CHP1: variants seen among roughly 807,000 people sequenced by gnomAD.
CHP1 encodes calcineurin B homologous protein 1.
In CHP1, 11 loss-of-function variants were observed where a neutral mutation model predicts 27.4. The observed-to-expected ratio is 0.40, with a 90% CI of 0.25 to 0.67. The LOEUF (loss-of-function observed/expected upper bound fraction) is 0.67, where lower values mean the gene tolerates loss of function less well. Among genes scored for constraint, CHP1 ranks in the 30% least tolerant of loss-of-function variants. CHP1 has a pLI of 0.38. For synonymous variants in CHP1, 89 were observed against 87.4 expected (o/e 1.02, Z -0.10); for missense variants, 169 against 251.3 (o/e 0.67, Z 2.22).
At chr15:41,257,110 G>A (rs2047404623) in intron 3 of CHP1, 120 bp downstream of exon 3, 1 of 694,502 alleles carries the variant, frequency 1.4e-6, no homozygotes, top group Non-Finnish European at 2.4e-6. Flanking sequence ...TGATTATATT[G>A]AGCAATTCTA....
At chr15:41,260,945 G>A (rs77781265) in intron 3 of CHP1, among the ~76,000 whole-genome samples, 2,993 of 151,980 alleles carry the variant, frequency 0.02, 281 homozygotes, top group Admixed American at 0.15. Context: ...GTGCAGTGGC[G>A]CAGTCTCGGC....
chr15:41,280,505 A>ATTTTTTTTTTTTTTTTTTT lies in CHP1; in HGVS notation c.*1125_*1143dup, dbSNP rs34921023. 1.8e-5 allele frequency: 2 copies of ATTTTTTTTTTTTTTTTTTT among 111,340 alleles called. No homozygotes were observed. 6.9% of individuals were successfully genotyped at this position (111,340 alleles called of 1,614,324 possible). On this transcript the variant is annotated 3_prime_UTR_variant, in exon 7 of 7. Coordinates refer to ENST00000334660, the MANE Select transcript of CHP1 (RefSeq NM_007236.5). ...GGAAGTGCCTAATATCCCAGTCCAA[A>ATTTTTTTTTTTTTTTTTTT]TTTTTTTTTTTTTTTTTTTTTTTTT...
chr15:41,268,166 A>C (rs1008035355), intron 4 of CHP1, among the ~76,000 whole-genome samples: 13 of 152,204 alleles, frequency 8.5e-5, no homozygotes, highest in Admixed American at 8.5e-4. Flanking sequence ...TGTGGTGACA[A>C]GGTCTGTGAA....
At chr15:41,270,125 C>T (rs1471579221) in intron 4 of CHP1, among the ~76,000 whole-genome samples, 2 of 152,084 alleles carry the variant, frequency 1.3e-5, no homozygotes. Context: ...CAATTTTGCC[C>T]AGGAGGCTCT....
intron 2 of CHP1, among the ~76,000 whole-genome samples, chr15:41,245,688 G>A (rs2047331162): frequency 6.6e-6 from 1 of 151,952 alleles, no homozygotes; most frequent in South Asian, 2.1e-4. Context: ...AAACATTTTT[G>A]GGTGCACATA....
intron 3 of CHP1, among the ~76,000 whole-genome samples, chr15:41,261,030 G>C (rs768603682): frequency 6.6e-6 from 1 of 151,698 alleles, no homozygotes; most frequent in Admixed American, 6.6e-5. Context: ...CAGTATAAGC[G>C]TGAGCCACCA....
intron 4 of CHP1, among the ~76,000 whole-genome samples, chr15:41,267,732 C>G (rs556304506): frequency 6.8e-6 from 1 of 147,162 alleles, no homozygotes; most frequent in Non-Finnish European, 1.5e-5. Flanking sequence ...GCCTGGGCAA[C>G]AGAGCCTGGG....
At chr15:41,265,347 GA>G (rs1443474766) in intron 4 of CHP1, among the ~76,000 whole-genome samples, 1 of 112,332 alleles carries the variant, frequency 8.9e-6, no homozygotes, top group East Asian at 3.2e-4. Context: ...CTGGGTGATA[GA>G]GCGAGACTCT....
At position 41,278,855 on chromosome 15, in the gene CHP1, G is replaced by A; in HGVS notation, c.500G>A (p.Gly167Glu). The A allele has an allele frequency of 6.2e-7, 1 of 1,614,164 alleles. No homozygotes were observed. The highest frequency in any genetic ancestry group is 8.5e-7 in the Non-Finnish European group (1 of 1,180,018). Residue 167 changes from glycine (G) to glutamate (E), a missense_variant, in exon 6 of 7, where the codon GGG becomes GAG. By Grantham distance (98) the Gly-to-Glu change is moderately conservative (BLOSUM62 -2). Coordinates refer to ENST00000334660, the MANE Select transcript of CHP1 (RefSeq NM_007236.5). ...DRTIQEADQD[G>E]DSAISFTEFV... ...ACCATTCAGGAGGCTGATCAGGATG[G>A]GGACAGTGCCATATCTTTCACAGAA...
chr15:41,268,679 C>T (rs1385047582), intron 4 of CHP1, among the ~76,000 whole-genome samples: 1 of 148,486 alleles, frequency 6.7e-6, no homozygotes, highest in East Asian at 2.0e-4. Flanking sequence ...CGATGGCTCA[C>T]GCCTGTAATC....
At chr15:41,244,196 T>TAAAA (rs35765288) in intron 2 of CHP1, among the ~76,000 whole-genome samples, 1 of 129,090 alleles carries the variant, frequency 7.7e-6, no homozygotes, top group Non-Finnish European at 1.6e-5. Flanking sequence ...AGACTCCATC[T>TAAAA]AAAAAAAAAA....
rs777322448 is a variant in CHP1, at chr15:41,243,650, A to G, written c.68-17A>G. 2.8e-5 allele frequency: 45 copies of G among 1,612,840 alleles called. No homozygotes were observed. The highest frequency in any genetic ancestry group is 3.6e-5 in the Non-Finnish European group (43 of 1,179,100). On this transcript the variant is annotated splice_polypyrimidine_tract_variant and intron_variant, in intron 1 of 6. Transcript: ENST00000334660. ...GGGCTACTTCCCCCGAGCTGGGACT[A>G]ATTTTGTGCTCTTTAGTTTCCCACA...
Position 41,275,029 on chromosome 15 carries a change from C to G in CHP1, c.412-3738C>G, listed in dbSNP as rs531429359. ...GGTCTCCAACTCCTGACCTCGTCAT[C>G]CACCTGCCTCAGCCTCCCAAAGTCC... On this transcript the variant is annotated intron_variant, in intron 5 of 6. Transcript: ENST00000334660. 2.0e-5 allele frequency among the ~76,000 whole-genome samples: 3 copies of G among 152,074 alleles called. No individual in the cohort carries two copies. In the East Asian group the frequency reaches 5.8e-4, roughly 29 times the overall value.
chr15:41,279,134 C>G (rs770490107), intron 6 of CHP1, among the ~76,000 whole-genome samples: 4 of 151,564 alleles, frequency 2.6e-5, no homozygotes, highest in Non-Finnish European at 5.9e-5. Context: ...TCGCTTGAAC[C>G]CAGGAGGCCA....
intron 3 of CHP1, among the ~76,000 whole-genome samples, chr15:41,261,052 T>C (rs2047430151): frequency 6.6e-6 from 1 of 151,712 alleles, no homozygotes; most frequent in Admixed American, 6.6e-5. Context: ...GCCTGGCTGA[T>C]TGATTGATTG....
At chr15:41,273,040 G>A (rs987421609) in intron 5 of CHP1, among the ~76,000 whole-genome samples, 25 of 151,834 alleles carry the variant, frequency 1.6e-4, no homozygotes, top group Admixed American at 1.6e-3. Flanking sequence ...CTGGGCAACA[G>A]GGCGAGACTC....
At chr15:41,239,324 T>TA (rs1035525726) in intron 1 of CHP1, among the ~76,000 whole-genome samples, 4 of 151,822 alleles carry the variant, frequency 2.6e-5, no homozygotes, top group Non-Finnish European at 5.9e-5. Context: ...AAGATAGTTT[T>TA]TTTTTTTTTA....
intron 2 of CHP1, among the ~76,000 whole-genome samples, chr15:41,244,192 C>T (rs1412923468): frequency 1.9e-5 from 2 of 106,412 alleles, no homozygotes. Flanking sequence ...AGCAAGACTC[C>T]ATCTAAAAAA....
chr15:41,270,868 T>A (rs2047485081), intron 5 of CHP1, among the ~76,000 whole-genome samples: 1 of 151,978 alleles, frequency 6.6e-6, no homozygotes, highest in Admixed American at 6.6e-5. Context: ...AATCCCAGCA[T>A]TTTGGGATGC....
Sources: allele counts gnomAD v4.1 joint callset (sites outside exome capture counted in the v4.1 genomes callset), GRCh38; gene constraint gnomAD v4.1.1; transcripts MANE v1.5; gene names NCBI Gene and HGNC (gene_info 2026-07-23, HGNC 2026-07-21).